The following PCDHGA6 variants were observed in gnomAD, a reference collection of about 807,000 sequenced individuals.
PCDHGA6 encodes protocadherin gamma subfamily A, 6.
A neutral mutation model predicts 60.6 loss-of-function variants in PCDHGA6; 41 were observed. That is an observed-to-expected ratio of 0.68 (90% CI 0.53 to 0.88). The LOEUF (loss-of-function observed/expected upper bound fraction) is 0.88. Ranked by LOEUF, PCDHGA6 falls within the 40% of genes least tolerant of loss-of-function variation. The probability of loss-of-function intolerance (pLI) is 0.00; values close to 1 mark genes in which losing one functional copy is unlikely to be tolerated. For missense variants in PCDHGA6, 1,312 were observed against 1,203.0 expected, an observed-to-expected ratio of 1.09 and a Z score of -1.34; for synonymous variants, 594 against 524.4, an observed-to-expected ratio of 1.13 and a Z score of -1.81.
chr5:141,442,779 A>G (rs1453800627), intron 1 of PCDHGA6, among the ~76,000 whole-genome samples: 1 of 152,160 alleles, frequency 6.6e-6, no homozygotes, highest in Non-Finnish European at 1.5e-5. Context: ...GTTTGATTAT[A>G]TTTTATAATT....
At position 141,487,571 on chromosome 5, in the gene PCDHGA6, G is replaced by A; in HGVS notation, c.2425-7236G>A. The A allele has an allele frequency of 4.3e-6, 7 of 1,614,178 alleles. No individual in the cohort carries two copies. The highest frequency in any genetic ancestry group is 5.9e-6 in the Non-Finnish European group (7 of 1,180,038). On this transcript the variant is annotated intron_variant, in intron 1 of 3. Coordinates refer to ENST00000517434, the MANE Select transcript of PCDHGA6 (RefSeq NM_018919.3). This position sits in a 1 kb window ranked among gnomAD's most constrained non-coding sequence, Gnocchi z 5.0. ...CAGTGCACCTATGGCAGGGGAGCCTGTTCGCCCAAGCTGCCCACCCTCTGA... is the reference window on the plus strand; with the variant it reads ...CAGTGCACCTATGGCAGGGGAGCCTATTCGCCCAAGCTGCCCACCCTCTGA...
chr5:141,445,305 T>C (rs899306819), intron 1 of PCDHGA6, among the ~76,000 whole-genome samples: 2 of 152,204 alleles, frequency 1.3e-5, no homozygotes, highest in Non-Finnish European at 1.5e-5. Context: ...TCTCTTCAGT[T>C]TGTAGGTTGA....
intron 1 of PCDHGA6, among the ~76,000 whole-genome samples, chr5:141,464,264 AAAAAAAAAAAAAAGC>A (rs974197911): frequency 4.0e-4 from 52 of 130,598 alleles, no homozygotes; most frequent in Non-Finnish European, 6.3e-4. Context: ...GACTCCGTCT[AAAAAAAAAAAAAAGC>A]AAAAAAAAAA....
At chr5:141,427,259 G>A (rs1365845158) in intron 1 of PCDHGA6, 1 of 456,756 alleles carries the variant, frequency 2.2e-6, no homozygotes, top group Non-Finnish European at 4.4e-6. Flanking sequence ...GTGGAGGCAT[G>A]ACCAGCGAAT....
chr5:141,497,892 C>T (rs2099780275), intron 2 of PCDHGA6, among the ~76,000 whole-genome samples: 1 of 152,138 alleles, frequency 6.6e-6, no homozygotes, highest in Admixed American at 6.6e-5. Flanking sequence ...AGGATCTAGT[C>T]CAGTAACTTC....
intron 1 of PCDHGA6, among the ~76,000 whole-genome samples, chr5:141,453,101 T>TTTTTG (rs879618609): frequency 3.2e-4 from 49 of 152,130 alleles, no homozygotes; most frequent in Middle Eastern, 6.8e-3. Flanking sequence ...TTCTGTTGCT[T>TTTTTG]TTTTGTTTTG....
intron 1 of PCDHGA6, among the ~76,000 whole-genome samples, chr5:141,407,044 A>G (rs972892343): frequency 6.6e-6 from 1 of 152,246 alleles, no homozygotes; most frequent in African/African-American, 2.4e-5. Flanking sequence ...TGTGATCCAT[A>G]GATACACTGA....
chr5:141,409,751 C>T, intron 1 of PCDHGA6: 1 of 1,613,000 alleles, frequency 6.2e-7, no homozygotes, highest in Non-Finnish European at 8.5e-7. Flanking sequence ...GGTGTTCGCG[C>T]AGCGCGCCTT....
At chr5:141,443,853 A>G (rs929370798) in intron 1 of PCDHGA6, among the ~76,000 whole-genome samples, 3 of 152,230 alleles carry the variant, frequency 2.0e-5, no homozygotes, top group African/African-American at 7.2e-5. Flanking sequence ...GGAAAGTCTG[A>G]AAACTGAAAA....
rs2093886414 is a variant in PCDHGA6 at position 141,399,784 on chromosome 5, G to C, written c.2424+23277G>C. On this transcript the variant is annotated intron_variant, in intron 1 of 3. Transcript: ENST00000517434. ...GCGCGTGTTGGTGGGCGACCGAAAC[G>C]ACAACGCACCGCGGGTGCTGTACCC... The C allele has an allele frequency of 2.5e-6, 4 of 1,613,288 alleles. No homozygotes were observed. The East Asian group carries it at 6.7e-5, about 27-fold the overall frequency.
intron 1 of PCDHGA6, among the ~76,000 whole-genome samples, chr5:141,457,632 G>A (rs919693977): frequency 6.6e-6 from 1 of 152,142 alleles, no homozygotes; most frequent in African/African-American, 2.4e-5. Flanking sequence ...CTTATACTTG[G>A]CCTGATTATT....
chr5:141,424,690 TA>T (rs796070231), intron 1 of PCDHGA6: 89 of 152,358 alleles, frequency 5.8e-4, no homozygotes, highest in African/African-American at 1.9e-3. Context: ...TCCTTCTGGC[TA>T]TTTTTTTGTT....
rs2099883762 is a variant in PCDHGA6, at chr5:141,511,396, C to T, written c.*223C>T. 9.8e-7 allele frequency: 1 copy of T among 1,016,834 alleles called. No homozygotes were observed. Among genetic ancestry groups the T allele is most frequent in the South Asian group, 1.7e-5 (1 of 58,996 alleles). The allele number at this position is 1,016,834 out of a possible 1,614,324, so 63.0% of individuals were successfully genotyped here. ...AAGCAGTTCCGCTGGGAACCCCCAT[C>T]CAATCAACTGCTGTACCCATGGGGG... On this transcript the variant is annotated 3_prime_UTR_variant, in exon 4 of 4. Coordinates refer to ENST00000517434, the MANE Select transcript of PCDHGA6 (RefSeq NM_018919.3).
intron 1 of PCDHGA6, chr5:141,421,154 G>A: frequency 8.7e-7 from 1 of 1,151,318 alleles, no homozygotes; most frequent in South Asian, 1.6e-5. Flanking sequence ...GTCGGCCTAG[G>A]ACTTCATAGA....
intron 1 of PCDHGA6, chr5:141,408,916 C>T (rs1379557230): frequency 6.8e-6 from 11 of 1,613,024 alleles, no homozygotes; most frequent in African/African-American, 2.7e-5. Flanking sequence ...CCAATGATAA[C>T]CCCCCGGTTT....
chr5:141,431,582 G>A lies in PCDHGA6; in HGVS notation c.2424+55075G>A. On this transcript the variant is annotated intron_variant, in intron 1 of 3. Coordinates refer to ENST00000517434, the MANE Select transcript of PCDHGA6 (RefSeq NM_018919.3). The surrounding 1 kb of genome is among the most constrained non-coding windows in gnomAD (Gnocchi z 4.8). Reference sequence around the variant, plus strand: ...TACCGACCCTGACGAAGGAGTCAATGCGGAAGTGAGGTATTCCTTCCGGTA... The same window carrying A: ...TACCGACCCTGACGAAGGAGTCAATACGGAAGTGAGGTATTCCTTCCGGTA... The A allele has an allele frequency of 6.2e-7, 1 of 1,614,210 alleles. No homozygotes were observed. Among genetic ancestry groups the A allele is most frequent in the Non-Finnish European group, 8.5e-7 (1 of 1,180,036 alleles).
At chr5:141,419,139 G>C in intron 1 of PCDHGA6, 1 of 1,613,916 alleles carries the variant, frequency 6.2e-7, no homozygotes, top group South Asian at 1.1e-5. Flanking sequence ...GCCACAGACA[G>C]GGGCAAGCCT....
At chr5:141,399,692 G>A (rs780007896) in intron 1 of PCDHGA6, 2 of 1,613,318 alleles carry the variant, frequency 1.2e-6, no homozygotes, top group Middle Eastern at 1.7e-4. Flanking sequence ...GAGCAGCTGC[G>A]CACCTTCGAA....
chr5:141,389,463 G>C (rs1201903320), intron 1 of PCDHGA6: 1 of 1,613,192 alleles, frequency 6.2e-7, no homozygotes, highest in African/African-American at 1.3e-5. Context: ...GCGCGCCTTC[G>C]AACTCACACT....
Sources: gnomAD v4.1 joint callset for allele counts (sites outside exome capture counted in the v4.1 genomes callset) on GRCh38, gnomAD v4.1.1 for gene constraint, Gnocchi (gnomAD v3.1) non-coding constraint, MANE v1.5 for transcripts, NCBI Gene and HGNC (gene_info 2026-07-23, HGNC 2026-07-21) for gene names.